HCN4: variants seen among roughly 807,000 people sequenced by gnomAD.
The protein encoded by HCN4 is hyperpolarization activated cyclic nucleotide gated potassium channel 4, also known as potassium/sodium hyperpolarization-activated cyclic nucleotide-gated channel 4.
Under a neutral mutation model 76.9 loss-of-function variants are expected in HCN4, and 29 were observed. That is an observed-to-expected ratio of 0.38 (90% CI 0.28 to 0.51). HCN4 has a LOEUF of 0.51. Among genes scored for constraint, HCN4 ranks in the 20% least tolerant of loss-of-function variants. The probability of loss-of-function intolerance (pLI) is 0.90; values close to 1 mark genes in which losing one functional copy is unlikely to be tolerated. For synonymous variants in HCN4, 772 were observed against 762.5 expected, an observed-to-expected ratio of 1.01 and a Z score of -0.21; for missense variants, 1,416 against 1,715.2, an observed-to-expected ratio of 0.83 and a Z score of 3.08.
At position 73,322,916 on chromosome 15, in the gene HCN4, G is replaced by T; in HGVS notation, c.3177C>A (p.Ser1059Arg). ...GCTGGGGGACCTGGGGTGGTGGGGG[G>T]CTGGATGCAGGTGGCAGGAGCAAGG... is the stretch of plus-strand genomic sequence containing the variant. Reference protein sequence around the residue: ...HGSLLLPPASSPPPPQVPQRR... With the variant: ...HGSLLLPPASRPPPPQVPQRR... Residue 1059 changes from serine (S) to arginine (R), a missense_variant, in exon 8 of 8, where the codon AGC (serine) becomes AGA (arginine). Transcript: ENST00000261917. 2.1e-6 allele frequency: 3 copies of T among 1,398,692 alleles called. No homozygotes were observed. The highest frequency in any genetic ancestry group is 1.9e-6 in the Non-Finnish European group (2 of 1,057,972). The allele number at this position is 1,398,692 out of a possible 1,614,324, so 86.6% of individuals were successfully genotyped here.
chr15:73,336,112 G>A (rs936522356), intron 2 of HCN4, among the ~76,000 whole-genome samples: 2 of 152,122 alleles, frequency 1.3e-5, no homozygotes, highest in Non-Finnish European at 2.9e-5. Flanking sequence ...GGTGAGTAGA[G>A]AGGCTGGTCC....
In HCN4 at chr15:73,325,453, G is replaced by A. The variant is rs762087263; in HGVS notation, c.1591-9C>T. 10 of 1,613,844 alleles carry A rather than the reference G, an allele frequency of 6.2e-6. No homozygotes were observed. The African/African-American group carries it at 6.7e-5, about 11-fold the overall frequency. ...TGCTCCACCTGCTTGTACTGAGGCC[G>A]GGAGAAGGGGGCGTCAGCTCCACCC... On this transcript the variant is annotated splice_polypyrimidine_tract_variant and intron_variant, in intron 4 of 7. Transcript: ENST00000261917. This position sits in a 1 kb window ranked among gnomAD's most constrained non-coding sequence, Gnocchi z 7.4.
Position 73,328,231 on chromosome 15 carries a change from G to A in HCN4, c.1590+1342C>T, listed in dbSNP as rs4777598. 0.31 allele frequency among the ~76,000 whole-genome samples: 47,004 copies of A among 151,652 alleles called. 8,925 individuals carry two copies. Among genetic ancestry groups the A allele is most frequent in the Admixed American group, 0.44 (6,749 of 15,236 alleles). ...AGGCTGGACGTGGAGAGGGTGTCAG[G>A]TGGACACCTGGGGAGGAGAGTTGAG... On this transcript the variant is annotated intron_variant, in intron 4 of 7. Coordinates refer to ENST00000261917, the MANE Select transcript of HCN4 (RefSeq NM_005477.3). This position sits in a 1 kb window ranked among gnomAD's most constrained non-coding sequence, Gnocchi z 4.0.
At chr15:73,346,022 C>T (rs560925623) in intron 1 of HCN4, among the ~76,000 whole-genome samples, 1 of 152,320 alleles carries the variant, frequency 6.6e-6, no homozygotes, top group South Asian at 2.1e-4. Context: ...TTCATAAAAC[C>T]AAATTGCATA....
chr15:73,322,444 G>T lies in HCN4; in HGVS notation c.*37C>A. On this transcript the variant is annotated 3_prime_UTR_variant, in exon 8 of 8. Coordinates refer to ENST00000261917, the MANE Select transcript of HCN4 (RefSeq NM_005477.3). Reference sequence around the variant, plus strand: ...TAAACCTGAAGGAAGAAGGAAGGGAGAGAAAAGAAGAAAGAAGAGGGAAGG... The same window carrying T: ...TAAACCTGAAGGAAGAAGGAAGGGATAGAAAAGAAGAAAGAAGAGGGAAGG... 6.8e-7 allele frequency: 1 copy of T among 1,480,112 alleles called. No homozygotes were observed. Among genetic ancestry groups the T allele is most frequent in the South Asian group, 1.2e-5 (1 of 82,964 alleles). The allele number at this position is 1,480,112 out of a possible 1,614,324, so 91.7% of individuals were successfully genotyped here.
chr15:73,362,705 G>C (rs1455032862), intron 1 of HCN4, among the ~76,000 whole-genome samples: 1 of 152,190 alleles, frequency 6.6e-6, no homozygotes, highest in Non-Finnish European at 1.5e-5. Flanking sequence ...AGCACAGTTG[G>C]AAACTCCCTA....
intron 1 of HCN4, among the ~76,000 whole-genome samples, chr15:73,365,304 T>C (rs2043123557): frequency 6.6e-6 from 1 of 152,164 alleles, no homozygotes; most frequent in African/African-American, 2.4e-5. Flanking sequence ...TGGATTTCTT[T>C]CCTTACACCC....
At chr15:73,354,566 G>T (rs1353113150) in intron 1 of HCN4, among the ~76,000 whole-genome samples, 1 of 152,208 alleles carries the variant, frequency 6.6e-6, no homozygotes, top group Non-Finnish European at 1.5e-5. Flanking sequence ...TGTGTGGCCA[G>T]GCTATTGTAG....
At chr15:73,351,556 A>AAC in intron 1 of HCN4, among the ~76,000 whole-genome samples, 1 of 152,230 alleles carries the variant, frequency 6.6e-6, no homozygotes, top group East Asian at 1.9e-4. Context: ...CTTGCCTTCC[A>AAC]ACACTTCATC....
At chr15:73,347,352 G>A (rs74476650) in intron 1 of HCN4, among the ~76,000 whole-genome samples, 80 of 152,288 alleles carry the variant, frequency 5.3e-4, no homozygotes, top group Non-Finnish European at 1.2e-3. Context: ...AGAGGGATGT[G>A]GGAGGCAGAT....
At position 73,368,190 on chromosome 15, in the gene HCN4, G is replaced by C; in HGVS notation, c.81C>G (p.Asp27Glu). 6.5e-7 allele frequency: 1 copy of C among 1,534,464 alleles called. No individual in the cohort carries two copies. The highest frequency in any genetic ancestry group is 8.8e-7 in the Non-Finnish European group (1 of 1,142,112). ...QQVGAKAWIM[D>E]EEEDAEEEGA... ...CCTCCTCCTCGGCGTCCTCTTCCTC[G>C]TCCATGATCCACGCCTTGGCCCCCA... Residue 27 changes from aspartate (D) to glutamate (E), a missense_variant, in exon 1 of 8, where the codon GAC becomes GAG. This residue lies in a region of HCN4 where 355 missense variants were observed against 347.8 expected (regional missense o/e 1.02). Transcript: ENST00000261917. The surrounding 1 kb of genome is among the most constrained non-coding windows in gnomAD (Gnocchi z 6.9).
intron 1 of HCN4, among the ~76,000 whole-genome samples, chr15:73,363,691 G>A (rs1213469942): frequency 1.3e-5 from 2 of 152,168 alleles, no homozygotes; most frequent in African/African-American, 4.8e-5. Flanking sequence ...AAGGACAGAG[G>A]CCCTTGTGAT....
rs906382393 is a variant in HCN4, at chr15:73,343,590, A to C, written c.1004T>G (p.Met335Arg). 1.9e-6 allele frequency: 3 copies of C among 1,614,014 alleles called. No individual in the cohort carries two copies. The African/African-American group carries it at 4.0e-5, about 22-fold the overall frequency. Residue 335 changes from methionine to arginine, a missense_variant, in exon 2 of 8, where the codon ATG becomes AGG. Coordinates refer to ENST00000261917, the MANE Select transcript of HCN4 (RefSeq NM_005477.3). This position sits in a 1 kb window ranked among gnomAD's most constrained non-coding sequence, Gnocchi z 5.7. The stretch of plus-strand genomic sequence containing the variant: ...CATGAACCAGCTTTTCAGGTACTTC[A>C]TTTTAATCCGCTGCGGGTCCAGGAT... ...EIILDPQRIKMKYLKSWFMVD... is the reference protein window; with the variant it reads ...EIILDPQRIKRKYLKSWFMVD...
chr15:73,354,591 G>A (rs1186108081), intron 1 of HCN4, among the ~76,000 whole-genome samples: 1 of 152,204 alleles, frequency 6.6e-6, no homozygotes, highest in Non-Finnish European at 1.5e-5. Flanking sequence ...ACGGTGGCTA[G>A]GTGCTCTGCT....
In HCN4 at chr15:73,320,364, C is replaced by CCAT. The variant is rs1474167176; in HGVS notation, c.*2114_*2116dup. The CCAT allele has an allele frequency of 1.3e-5, 2 of 152,544 alleles. No individual in the cohort carries two copies. Among genetic ancestry groups the CCAT allele is most frequent in the African/African-American group, 2.4e-5 (1 of 41,442 alleles). 9.4% of individuals were successfully genotyped at this position (152,544 alleles called of 1,614,324 possible). A position where few individuals can be genotyped will look rare whatever the true frequency, so the allele number is the denominator to read the frequency against. ...AGTACTGCCTCCCACTCCCTGCAGCCCATCTATGGAGAAATCGGTTTGTCT... is the reference window on the plus strand; with the variant it reads ...AGTACTGCCTCCCACTCCCTGCAGCCCATCATCTATGGAGAAATCGGTTTGTCT... On this transcript the variant is annotated 3_prime_UTR_variant, in exon 8 of 8. Coordinates refer to ENST00000261917, the MANE Select transcript of HCN4 (RefSeq NM_005477.3).
At chr15:73,365,556 C>T (rs2043124543) in intron 1 of HCN4, among the ~76,000 whole-genome samples, 1 of 152,176 alleles carries the variant, frequency 6.6e-6, no homozygotes, top group Non-Finnish European at 1.5e-5. Flanking sequence ...ACAGACATAC[C>T]AGAATGGGGT....
Position 73,368,322 on chromosome 15 carries a change from G to C in HCN4, c.-52C>G. On this transcript the variant is annotated 5_prime_UTR_variant, in exon 1 of 8. Transcript: ENST00000261917. This position sits in a 1 kb window ranked among gnomAD's most constrained non-coding sequence, Gnocchi z 6.9. Reference sequence around the variant, plus strand: ...GCCGGGGGCAGGAGCGCGGCGCCGCGGACGGGCTCCAGGTCCGCCCGCCGG... The same window carrying C: ...GCCGGGGGCAGGAGCGCGGCGCCGCCGACGGGCTCCAGGTCCGCCCGCCGG... The C allele has an allele frequency of 1.6e-5, 22 of 1,340,846 alleles. No homozygotes were observed. Among genetic ancestry groups the C allele is most frequent in the Non-Finnish European group, 2.1e-5 (22 of 1,028,602 alleles). The allele number at this position is 1,340,846 out of a possible 1,614,324, so 83.1% of individuals were successfully genotyped here.
At chr15:73,351,562 T>A (rs2043055199) in intron 1 of HCN4, among the ~76,000 whole-genome samples, 1 of 152,034 alleles carries the variant, frequency 6.6e-6, no homozygotes. Context: ...TTCCAACACT[T>A]CATCACACTG....
chr15:73,357,355 T>C (rs2043085910), intron 1 of HCN4, among the ~76,000 whole-genome samples: 1 of 152,230 alleles, frequency 6.6e-6, no homozygotes, highest in East Asian at 1.9e-4. Context: ...CCAGAGCCTC[T>C]GGGACACGTT....
Sources: allele counts gnomAD v4.1 joint callset (sites outside exome capture counted in the v4.1 genomes callset), GRCh38; gene constraint gnomAD v4.1.1; regional missense constraint gnomAD v4.1.1; non-coding constraint Gnocchi (gnomAD v3.1); transcripts MANE v1.5; gene names NCBI Gene and HGNC (gene_info 2026-07-23, HGNC 2026-07-21).